The following UBAP2 variants were observed in gnomAD, a reference collection of about 807,000 sequenced individuals.
The protein encoded by UBAP2 is ubiquitin associated protein 2.
A neutral mutation model predicts 139.6 loss-of-function variants in UBAP2; 75 were observed. The observed-to-expected ratio is 0.54, with a 90% confidence interval of 0.45 to 0.65. The LOEUF (loss-of-function observed/expected upper bound fraction) is 0.65. UBAP2 is among the 30% of genes least tolerant of loss of function. UBAP2 has a pLI of 0.00. For missense variants in UBAP2, 1,368 were observed against 1,369.6 expected (o/e 1.00, Z 0.02); for synonymous variants, 526 against 526.2 (o/e 1.00, Z 0.01).
At chr9:34,020,691 G>C (rs939601299) in intron 1 of UBAP2, among the ~76,000 whole-genome samples, 2 of 149,572 alleles carry the variant, frequency 1.3e-5, no homozygotes, top group Non-Finnish European at 1.5e-5. Context: ...ACAGAGTCTG[G>C]CTCAGTCACC....
chr9:33,949,724 C>CAA (rs1225933072), intron 12 of UBAP2, among the ~76,000 whole-genome samples: 4 of 152,030 alleles, frequency 2.6e-5, no homozygotes, highest in Non-Finnish European at 4.4e-5. Context: ...TGCGCGCATG[C>CAA]ACGCGCACAC....
chr9:33,978,348 A>C (rs1478358189), intron 6 of UBAP2, among the ~76,000 whole-genome samples: 3 of 152,126 alleles, frequency 2.0e-5, no homozygotes, highest in Non-Finnish European at 4.4e-5. Context: ...CACCCTGGGC[A>C]ACAGAGCAAG....
At chr9:34,040,069 G>A (rs1350613775) in intron 1 of UBAP2, among the ~76,000 whole-genome samples, 2 of 151,560 alleles carry the variant, frequency 1.3e-5, no homozygotes, top group Non-Finnish European at 2.9e-5. Flanking sequence ...TGAGGCAGGA[G>A]AATCACTTGA....
Position 33,922,480 on chromosome 9 carries a change from C to A in UBAP2, c.*24G>T. The A allele has an allele frequency of 6.2e-7, 1 of 1,609,320 alleles. No homozygotes were observed. Among genetic ancestry groups the A allele is most frequent in the East Asian group, 2.2e-5 (1 of 44,726 alleles). On this transcript the variant is annotated 3_prime_UTR_variant, in exon 29 of 29. Coordinates refer to ENST00000379238, the MANE Select transcript of UBAP2 (RefSeq NM_001370062.2). ...TCTCCTGCCCAGGATAAGCCTTGCC[C>A]CAGCCCACCCCTCTCTTCTGGGTTT... is the stretch of plus-strand genomic sequence containing the variant.
At chr9:33,977,840 T>C (rs1004980464) in intron 6 of UBAP2, among the ~76,000 whole-genome samples, 1 of 151,600 alleles carries the variant, frequency 6.6e-6, no homozygotes, top group Non-Finnish European at 1.5e-5. Context: ...TTTTTTTGTA[T>C]TTTTAGTAGA....
intron 1 of UBAP2, among the ~76,000 whole-genome samples, chr9:34,032,286 C>A (rs1825955337): frequency 6.6e-6 from 1 of 152,146 alleles, no homozygotes; most frequent in Non-Finnish European, 1.5e-5. Flanking sequence ...AAAGTAAGAA[C>A]AAATTAACTC....
intron 8 of UBAP2, among the ~76,000 whole-genome samples, chr9:33,964,134 T>C (rs914540067): frequency 1.3e-5 from 2 of 152,200 alleles, no homozygotes; most frequent in African/African-American, 2.4e-5. Flanking sequence ...CAAGTCTTTC[T>C]AGTTTGGTTA....
At chr9:34,007,837 T>C (rs1173247477) in intron 2 of UBAP2, among the ~76,000 whole-genome samples, 2 of 151,878 alleles carry the variant, frequency 1.3e-5, no homozygotes, top group Non-Finnish European at 2.9e-5. Flanking sequence ...GAGTCGGGGT[T>C]TCACCTTGTT....
chr9:34,001,769 C>T (rs1822722941), intron 2 of UBAP2, among the ~76,000 whole-genome samples: 1 of 152,038 alleles, frequency 6.6e-6, no homozygotes, highest in Non-Finnish European at 1.5e-5. Context: ...GTGTTTCAAA[C>T]CTAAAAAATG....
Position 33,922,476 on chromosome 9 carries a change from T to C in UBAP2, c.*28A>G. 1.2e-6 allele frequency: 2 copies of C among 1,606,770 alleles called. No individual in the cohort carries two copies. The highest frequency in any genetic ancestry group is 1.7e-6 in the Non-Finnish European group (2 of 1,175,574). ...GTTCTCTCCTGCCCAGGATAAGCCTTGCCCCAGCCCACCCCTCTCTTCTGG... is the reference window on the plus strand; with the variant it reads ...GTTCTCTCCTGCCCAGGATAAGCCTCGCCCCAGCCCACCCCTCTCTTCTGG... On this transcript the variant is annotated 3_prime_UTR_variant, in exon 29 of 29. Coordinates refer to ENST00000379238, the MANE Select transcript of UBAP2 (RefSeq NM_001370062.2).
chr9:33,974,449 G>A (rs572444796), intron 6 of UBAP2, among the ~76,000 whole-genome samples: 2 of 152,186 alleles, frequency 1.3e-5, no homozygotes, highest in African/African-American at 2.4e-5. Context: ...TGAGGCTGCA[G>A]TGAGCTGAGA....
chr9:33,999,879 T>C (rs1323909176), intron 2 of UBAP2, among the ~76,000 whole-genome samples: 1 of 73,808 alleles, frequency 1.4e-5, no homozygotes, highest in Non-Finnish European at 3.3e-5. Flanking sequence ...TGTATGTATG[T>C]ATGTATGTAT....
intron 1 of UBAP2, among the ~76,000 whole-genome samples, chr9:34,020,032 C>T (rs10971854): frequency 0.079 from 11,989 of 151,322 alleles, 675 homozygotes; most frequent in Non-Finnish European, 0.12. Flanking sequence ...TGGTGGCAGA[C>T]GCCTGTAATC....
intron 1 of UBAP2, among the ~76,000 whole-genome samples, chr9:34,023,959 G>C (rs944518339): frequency 6.6e-6 from 1 of 152,106 alleles, no homozygotes; most frequent in Non-Finnish European, 1.5e-5. Context: ...CAGGAGAATC[G>C]CTTGAACCTG....
At chr9:33,925,212 G>T (rs307696) in intron 22 of UBAP2, among the ~76,000 whole-genome samples, 30,108 of 152,090 alleles carry the variant, frequency 0.2, 3,111 homozygotes, top group South Asian at 0.36. Flanking sequence ...AGCCATCCTG[G>T]CTGGGAATGG....
At chr9:33,935,688 C>G in intron 17 of UBAP2, 151 bp downstream of exon 17, 2 of 817,624 alleles carry the variant, frequency 2.4e-6, no homozygotes, top group Non-Finnish European at 4.2e-6. Context: ...ACACCACAGC[C>G]AACACCTGGT....
Position 33,922,749 on chromosome 9 carries a change from A to G in UBAP2, c.3202T>C (p.Leu1068=), listed in dbSNP as rs1823020083. The G allele has an allele frequency of 3.9e-6, 6 of 1,556,692 alleles. No individual in the cohort carries two copies. The South Asian group carries it at 6.2e-5, about 16-fold the overall frequency. The stretch of plus-strand genomic sequence containing the variant: ...GAGTGGGGCTGCTGGTGGGCTGGCA[A>G]GATGTGTAGGAATGGTGGGGGTGCA... ...GYAPPPFLHI[L]PAHQQPHSQL... Residue 1068 remains leucine, a synonymous_variant, in exon 28 of 29, where the codon TTG becomes CTG. Transcript: ENST00000379238.
chr9:33,973,260 A>G (rs766659230), intron 6 of UBAP2, 23 bp from the exon 7 acceptor site: 46 of 1,610,300 alleles, frequency 2.9e-5, no homozygotes, highest in Non-Finnish European at 3.9e-5. Context: ...ACACAATTAT[A>G]GTATAAAATA....
At chr9:33,948,753 A>G (rs912551702) in intron 12 of UBAP2, 166 bp from the exon 13 acceptor site, 1 of 552,486 alleles carries the variant, frequency 1.8e-6, no homozygotes, top group East Asian at 2.8e-5. Flanking sequence ...TTACTATGCA[A>G]TGAAAACTGA....
Sources: gnomAD v4.1 joint callset for allele counts (sites outside exome capture counted in the v4.1 genomes callset) on GRCh38, gnomAD v4.1.1 for gene constraint, MANE v1.5 for transcripts, NCBI Gene and HGNC (gene_info 2026-07-23, HGNC 2026-07-21) for gene names.